DNAH2: variants seen among roughly 807,000 people sequenced by gnomAD.
The protein encoded by DNAH2 is axonemal beta dynein heavy chain 2.
Under a neutral mutation model 523.5 loss-of-function variants are expected in DNAH2, and 323 were observed. The ratio of observed to expected loss-of-function variants is 0.62; its 90% CI spans 0.56 to 0.68. DNAH2 has a LOEUF of 0.68. Among genes scored for constraint, DNAH2 ranks in the 30% least tolerant of loss-of-function variants. The pLI, the probability that DNAH2 is intolerant of heterozygous loss-of-function variation, is 0.00. For missense variants in DNAH2, 4,907 were observed against 5,701.5 expected, an observed-to-expected ratio of 0.86 and a Z score of 4.49; for synonymous variants, 2,093 against 2,177.4, an observed-to-expected ratio of 0.96 and a Z score of 1.08.
At position 7,796,659 on chromosome 17, in the gene DNAH2, C is replaced by G. The variant is rs770010639; in HGVS notation, c.7863+7C>G. The G allele has an allele frequency of 6.2e-7, 1 of 1,608,218 alleles. No homozygotes were observed. The highest frequency in any genetic ancestry group is 2.2e-5 in the East Asian group (1 of 44,640). On this transcript the variant is annotated splice_region_variant and intron_variant, in intron 50 of 85. Coordinates refer to ENST00000572933, the MANE Select transcript of DNAH2 (RefSeq NM_020877.5). ...CCTTCGAGACATCTCCAAGGTGACT[C>G]GCGGCCTGACCTTGCCCCTTCTGCT... is the stretch of plus-strand genomic sequence containing the variant.
intron 12 of DNAH2, 143 bp from the exon 13 acceptor site, chr17:7,756,948 G>C (rs1324059419): frequency 8.0e-7 from 1 of 1,256,114 alleles, no homozygotes; most frequent in Non-Finnish European, 1.1e-6. Flanking sequence ...TGGGATTACA[G>C]GCGTGAGCCA....
At position 7,797,172 on chromosome 17, in the gene DNAH2, C is replaced by T; in HGVS notation, c.7864-4C>T. ...CTGGTCCCAACAGTCAGTCCTCTTC[C>T]CAGGTGTTCCAGGGCATGCTTAGAG... On this transcript the variant is annotated splice_region_variant and splice_polypyrimidine_tract_variant and intron_variant, in intron 50 of 85. Transcript: ENST00000572933. 6.2e-7 allele frequency: 1 copy of T among 1,613,674 alleles called. No individual in the cohort carries two copies.
chr17:7,828,987 G>A lies in DNAH2; in HGVS notation c.11854-1313G>A, dbSNP rs944309197. ...GATAGAGACTGGCTCCATGATGCCC[G>A]GTGAATCAAGTCCAAATGGCTCAAA... On this transcript the variant is annotated intron_variant, in intron 77 of 85. Coordinates refer to ENST00000572933, the MANE Select transcript of DNAH2 (RefSeq NM_020877.5). This position sits in a 1 kb window ranked among gnomAD's most constrained non-coding sequence, Gnocchi z 4.1. Among the ~76,000 whole-genome samples the A allele has an allele frequency of 3.3e-5, 5 of 151,060 alleles. No individual in the cohort carries two copies. Among genetic ancestry groups the A allele is most frequent in the Non-Finnish European group, 5.9e-5 (4 of 68,000 alleles).
At position 7,742,935 on chromosome 17, in the gene DNAH2, C is replaced by T. The variant is rs757162206; in HGVS notation, c.1697C>T (p.Ala566Val). The T allele has an allele frequency of 7.5e-6, 11 of 1,465,616 alleles. No homozygotes were observed. The highest frequency in any genetic ancestry group is 1.6e-5 in the South Asian group (1 of 62,234). The allele number at this position is 1,465,616 out of a possible 1,614,324, so 90.8% of individuals were successfully genotyped here. A position where few individuals can be genotyped will look rare whatever the true frequency, so the allele number is the denominator to read the frequency against. ...TGTTCTTCTTCCCCTCAGTGCCTTGCTGGTGCTCATTTCCTGCCCCGTATT... is the reference window on the plus strand; with the variant it reads ...TGTTCTTCTTCCCCTCAGTGCCTTGTTGGTGCTCATTTCCTGCCCCGTATT... ...RRIDRVMTCLAGAHFLPRIGT... is the reference protein window; with the variant it reads ...RRIDRVMTCLVGAHFLPRIGT... The change falls in exon 12 of 86, where the codon GCT becomes GTT. Residue 566 changes from alanine to valine, a missense_variant. Physicochemically the swap from Ala to Val is moderately conservative, Grantham distance 64 (BLOSUM62 0). Coordinates refer to ENST00000572933, the MANE Select transcript of DNAH2 (RefSeq NM_020877.5).
intron 8 of DNAH2, chr17:7,739,071 C>A (rs957105297): frequency 8.6e-6 from 6 of 693,786 alleles, no homozygotes; most frequent in Non-Finnish European, 1.6e-5. Context: ...CCCTCCCCAC[C>A]TCCCACCCCA....
chr17:7,737,187 C>T lies in DNAH2; in HGVS notation c.1099C>T (p.Leu367Phe). 6.2e-7 allele frequency: 1 copy of T among 1,614,078 alleles called. No homozygotes were observed. The highest frequency in any genetic ancestry group is 8.5e-7 in the Non-Finnish European group (1 of 1,180,014). Residue 367 changes from leucine to phenylalanine, a missense_variant, in exon 8 of 86, where the codon CTC becomes TTC. Physicochemically the swap from Leu to Phe is conservative, Grantham distance 22. This residue lies in a region of DNAH2 where 2,806 missense variants were observed against 3,190.8 expected (regional missense o/e 0.88). Transcript: ENST00000572933. ...ISSKLPKLIS[L>F]IRIIWVNSPH... Reference sequence around the variant, plus strand: ...TAGCAAGCTCCCTAAGCTGATCAGTCTCATCCGCATCATCTGGGTCAACTC... The same window carrying T: ...TAGCAAGCTCCCTAAGCTGATCAGTTTCATCCGCATCATCTGGGTCAACTC...
chr17:7,735,647 C>T (rs1291557580), intron 7 of DNAH2, among the ~76,000 whole-genome samples: 1 of 151,972 alleles, frequency 6.6e-6, no homozygotes, highest in Non-Finnish European at 1.5e-5. Flanking sequence ...CTATGTTGCC[C>T]AGGCTGGTCT....
At chr17:7,723,168 C>T (rs576157043) in intron 2 of DNAH2, among the ~76,000 whole-genome samples, 7 of 150,706 alleles carry the variant, frequency 4.6e-5, no homozygotes, top group African/African-American at 7.3e-5. Flanking sequence ...GACGGGGTTT[C>T]ACCGTATTAG....
At chr17:7,765,153 A>G (rs1490542299) in intron 20 of DNAH2, among the ~76,000 whole-genome samples, 2 of 152,136 alleles carry the variant, frequency 1.3e-5, no homozygotes, top group Admixed American at 6.5e-5. Context: ...CTGGAGGATC[A>G]GAAAAGAGTC....
chr17:7,809,591 A>G (rs1234891619), intron 63 of DNAH2, among the ~76,000 whole-genome samples: 1 of 152,184 alleles, frequency 6.6e-6, no homozygotes. Flanking sequence ...TTTCACCTAG[A>G]TGAATCATAT....
chr17:7,790,255 G>A (rs1406650804), intron 44 of DNAH2, among the ~76,000 whole-genome samples: 2 of 152,176 alleles, frequency 1.3e-5, no homozygotes, highest in Non-Finnish European at 2.9e-5. Context: ...TTGGAGATAG[G>A]GTCTCACTCT....
At chr17:7,783,768 C>T (rs1219421632) in intron 39 of DNAH2, among the ~76,000 whole-genome samples, 6 of 150,994 alleles carry the variant, frequency 4.0e-5, no homozygotes, top group Non-Finnish European at 8.8e-5. Flanking sequence ...TTGTGCCACT[C>T]CAGCCTGGGT....
chr17:7,797,953 C>T, intron 53 of DNAH2, 124 bp downstream of exon 53: 1 of 1,436,576 alleles, frequency 7.0e-7, no homozygotes, highest in Non-Finnish European at 9.3e-7. Flanking sequence ...TCCCTGGCCC[C>T]AGATGCCCTG....
intron 77 of DNAH2, among the ~76,000 whole-genome samples, chr17:7,829,621 G>A (rs1046744252): frequency 6.6e-6 from 1 of 152,048 alleles, no homozygotes; most frequent in Non-Finnish European, 1.5e-5. Flanking sequence ...ACGCAATTCC[G>A]TACATTTTTG....
At position 7,741,228 on chromosome 17, in the gene DNAH2, TTC is replaced by T. The variant is rs370136085; in HGVS notation, c.1689+246_1689+247del. On this transcript the variant is annotated intron_variant, in intron 11 of 85. Transcript: ENST00000572933. ...TCTTTTCTTCCTTCCTTTCTTTTTT[TTC>T]TCTCTCTCTTTCTTTCTTTCTTTCT... 9.5e-3 allele frequency among the ~76,000 whole-genome samples: 1,336 copies of T among 140,682 alleles called. 21 individuals carry two copies. Among genetic ancestry groups the T allele is most frequent in the Middle Eastern group, 0.018 (5 of 274 alleles). The allele number at this position is 140,682 out of a possible 152,430, so 92.3% of individuals were successfully genotyped here.
At chr17:7,829,350 G>A (rs905029442) in intron 77 of DNAH2, among the ~76,000 whole-genome samples, 1 of 151,996 alleles carries the variant, frequency 6.6e-6, no homozygotes, top group African/African-American at 2.4e-5. Context: ...ATCTATCCAC[G>A]GCCCTCCTCT....
chr17:7,779,171 G>T (rs960992847), intron 35 of DNAH2, 72 bp from the exon 36 acceptor site: 36 of 1,556,738 alleles, frequency 2.3e-5, no homozygotes, highest in Non-Finnish European at 1.8e-6. Context: ...TTGAAGGAAG[G>T]GTGCGTTAAT....
intron 56 of DNAH2, 72 bp from the exon 57 acceptor site, chr17:7,801,506 C>T (rs2077221087): frequency 9.4e-6 from 15 of 1,593,684 alleles, no homozygotes; most frequent in Admixed American, 5.1e-5. Context: ...TGAGTGGATG[C>T]GTGTTGGGAA....
Position 7,777,441 on chromosome 17 carries a change from C to T in DNAH2, c.5059-5C>T, listed in dbSNP as rs2151237734. 1 of 1,614,064 alleles carries T rather than the reference C, an allele frequency of 6.2e-7. No homozygotes were observed. Among genetic ancestry groups the T allele is most frequent in the Non-Finnish European group, 8.5e-7 (1 of 1,179,978 alleles). ...TGCTCTCTTCCCTGCTGCTTCATGC[C>T]ACAGGTGTCAATCCTGAATAAGTAT... On this transcript the variant is annotated splice_region_variant and splice_polypyrimidine_tract_variant and intron_variant, in intron 32 of 85. Coordinates refer to ENST00000572933, the MANE Select transcript of DNAH2 (RefSeq NM_020877.5).
Sources: gnomAD v4.1 joint callset for allele counts (sites outside exome capture counted in the v4.1 genomes callset) on GRCh38, gnomAD v4.1.1 for gene constraint, gnomAD v4.1.1 regional missense constraint, Gnocchi (gnomAD v3.1) non-coding constraint, MANE v1.5 for transcripts, NCBI Gene and HGNC (gene_info 2026-07-23, HGNC 2026-07-21) for gene names.